The following PRKN variants were observed in gnomAD, a reference collection of about 807,000 sequenced individuals.
PRKN encodes parkin RBR E3 ubiquitin protein ligase.
Under a neutral mutation model 59.5 loss-of-function variants are expected in PRKN, and 56 were observed. The ratio of observed to expected loss-of-function variants is 0.94; its 90% CI spans 0.76 to 1.18. PRKN has a LOEUF of 1.18. PRKN is among the 50% of genes most tolerant of loss of function. The pLI is 0.00. For synonymous variants in PRKN, 250 were observed against 222.1 expected, an observed-to-expected ratio of 1.13 and a Z score of -1.12; for missense variants, 657 against 596.4, an observed-to-expected ratio of 1.10 and a Z score of -1.06.
intron 7 of PRKN, among the ~76,000 whole-genome samples, chr6:161,591,061 G>A (rs994751513): frequency 9.9e-5 from 15 of 152,032 alleles, no homozygotes; most frequent in African/African-American, 2.2e-4. Context: ...AGATTACTCC[G>A]GTATTGAGAA....
At chr6:162,557,083 G>A (rs897022200) in intron 1 of PRKN, among the ~76,000 whole-genome samples, 3 of 152,310 alleles carry the variant, frequency 2.0e-5, no homozygotes, top group Middle Eastern at 3.4e-3. Context: ...AGGAAACCCC[G>A]ATGTTGCCAG....
At chr6:162,384,647 T>TA (rs774251208) in intron 2 of PRKN, among the ~76,000 whole-genome samples, 1,615 of 92,864 alleles carry the variant, frequency 0.017, 30 homozygotes, top group Middle Eastern at 0.052. Context: ...CTTCAATTTG[T>TA]AAAAAAAAAA....
chr6:162,606,428 G>A (rs368262482), intron 1 of PRKN, among the ~76,000 whole-genome samples: 3 of 152,186 alleles, frequency 2.0e-5, no homozygotes, highest in African/African-American at 7.2e-5. Flanking sequence ...GATATTGAAA[G>A]TGAAAAACAG....
chr6:161,611,997 C>G (rs1047692118), intron 7 of PRKN, among the ~76,000 whole-genome samples: 3 of 152,196 alleles, frequency 2.0e-5, no homozygotes, highest in African/African-American at 4.8e-5. Flanking sequence ...AAACCAATCA[C>G]AATACTCCAT....
rs149200251 is a variant in PRKN at position 161,538,099 on chromosome 6, T to C, written c.1083+10755A>G. On this transcript the variant is annotated intron_variant, in intron 9 of 11. Coordinates refer to ENST00000366898, the MANE Select transcript of PRKN (RefSeq NM_004562.3). The surrounding 1 kb of genome is among the most constrained non-coding windows in gnomAD (Gnocchi z 4.2). ...TGATTGGATAAAGAAACAGGCATTC[T>C]TGGCCTTCTTCTACAGAAAGGAGGA... 3.9e-4 allele frequency among the ~76,000 whole-genome samples: 59 copies of C among 152,334 alleles called. 4 individuals carry two copies. The East Asian group carries it at 0.011, about 29-fold the overall frequency.
chr6:162,126,780 C>T (rs774754684), intron 4 of PRKN, among the ~76,000 whole-genome samples: 3 of 152,106 alleles, frequency 2.0e-5, no homozygotes, highest in Non-Finnish European at 2.9e-5. Flanking sequence ...AACCAACAGT[C>T]TCCTCTTTTA....
chr6:162,603,492 T>A (rs1450827859), intron 1 of PRKN, among the ~76,000 whole-genome samples: 4 of 152,150 alleles, frequency 2.6e-5, no homozygotes, highest in African/African-American at 9.7e-5. Context: ...CATGAGAGCA[T>A]CTGACCTGAG....
Position 162,476,183 on chromosome 6 carries a change from G to A in PRKN, c.8-32710C>T, listed in dbSNP as rs369130865. Among the ~76,000 whole-genome samples, 15 of 150,374 alleles carry A rather than the reference G, an allele frequency of 1.0e-4. 1 individual carries two copies. The East Asian group carries it at 1.8e-3, about 18-fold the overall frequency. On this transcript the variant is annotated intron_variant, in intron 1 of 11. Coordinates refer to ENST00000366898, the MANE Select transcript of PRKN (RefSeq NM_004562.3). ...AACGATTCTCCTGCCTCAGCCTCCC[G>A]AGTAGCTGGGATTACAGGCATGTGC...
chr6:162,410,989 A>G (rs1788328428), intron 2 of PRKN, among the ~76,000 whole-genome samples: 1 of 152,212 alleles, frequency 6.6e-6, no homozygotes, highest in Non-Finnish European at 1.5e-5. Flanking sequence ...ATCTTGGGGT[A>G]TTGATACAGA....
Position 161,350,168 on chromosome 6 carries a change from G to C in PRKN, c.1329C>G (p.Leu443=). 4.3e-6 allele frequency: 7 copies of C among 1,613,540 alleles called. No homozygotes were observed. Among genetic ancestry groups the C allele is most frequent in the Non-Finnish European group, 4.2e-6 (5 of 1,179,932 alleles). ...HMKCPQPQCR[L]EWCWNCGCEW... ...CGCAGCCACAGTTCCAGCACCACTC[G>C]AGCCTGCACTGGGGCTGCGGACACT... The change falls in exon 12 of 12, where the codon CTC becomes CTG. Residue 443 remains leucine (L), a synonymous_variant. Coordinates refer to ENST00000366898, the MANE Select transcript of PRKN (RefSeq NM_004562.3).
rs1399415195 is a variant in PRKN at position 162,443,455 on chromosome 6, G to A, written c.26C>T (p.Ser9Phe). 6.2e-7 allele frequency: 1 copy of A among 1,614,122 alleles called. No individual in the cohort carries two copies. Among genetic ancestry groups the A allele is most frequent in the Non-Finnish European group, 8.5e-7 (1 of 1,179,996 alleles). MIVFVRFN[S>F]SHGFPVEVDS... ...GACCTCCACTGGGAAACCATGGCTGGAGTTGAACCTGACAAACACTGACCA... is the reference window on the plus strand; with the variant it reads ...GACCTCCACTGGGAAACCATGGCTGAAGTTGAACCTGACAAACACTGACCA... The change falls in exon 2 of 12, where the codon TCC (serine) becomes TTC (phenylalanine). Residue 9 changes from serine to phenylalanine, a missense_variant. By Grantham distance (155) the Ser-to-Phe change is radical. Transcript: ENST00000366898.
chr6:162,652,774 C>A (rs956841621), intron 1 of PRKN, among the ~76,000 whole-genome samples: 4 of 151,306 alleles, frequency 2.6e-5, no homozygotes, highest in African/African-American at 9.7e-5. Flanking sequence ...GACACTTCCT[C>A]TTTATTAAAA....
intron 7 of PRKN, among the ~76,000 whole-genome samples, chr6:161,670,051 G>A (rs941027521): frequency 2.0e-5 from 3 of 152,210 alleles, no homozygotes; most frequent in African/African-American, 7.2e-5. Flanking sequence ...GAAGATCTGA[G>A]AGACATAAGC....
In PRKN at chr6:161,484,245, C is replaced by G. The variant is rs1032822788; in HGVS notation, c.1083+64609G>C. Reference sequence around the variant, plus strand: ...CAGGGTTTCAGCTTAAAGAAAATTTCTGGGTTTTGCACATGGCCATTTTCT... The same window carrying G: ...CAGGGTTTCAGCTTAAAGAAAATTTGTGGGTTTTGCACATGGCCATTTTCT... On this transcript the variant is annotated intron_variant, in intron 9 of 11. Coordinates refer to ENST00000366898, the MANE Select transcript of PRKN (RefSeq NM_004562.3). The surrounding 1 kb of genome is among the most constrained non-coding windows in gnomAD (Gnocchi z 4.9). Among the ~76,000 whole-genome samples the G allele has an allele frequency of 6.6e-6, 1 of 152,108 alleles. No homozygotes were observed. Among genetic ancestry groups the G allele is most frequent in the Admixed American group, 6.5e-5 (1 of 15,270 alleles).
intron 7 of PRKN, among the ~76,000 whole-genome samples, chr6:161,652,133 T>A (rs1398221798): frequency 6.6e-6 from 1 of 152,246 alleles, no homozygotes; most frequent in East Asian, 1.9e-4. Flanking sequence ...CTTTAGTTTA[T>A]GCAGACATCT....
intron 4 of PRKN, among the ~76,000 whole-genome samples, chr6:162,142,031 C>T (rs76115916): frequency 0.015 from 2,357 of 152,216 alleles, 59 homozygotes; most frequent in African/African-American, 0.054. Flanking sequence ...AGTATGTAAA[C>T]ACATGATCAC....
In PRKN at chr6:161,350,071, G is replaced by A. The variant is rs748710039; in HGVS notation, c.*28C>T. On this transcript the variant is annotated 3_prime_UTR_variant, in exon 12 of 12. Transcript: ENST00000366898. Reference sequence around the variant, plus strand: ...GACACTGGGTATGCTCCCCCAGGATGTGGCGATGGGGCGCCCGGCCGCCCT... The same window carrying A: ...GACACTGGGTATGCTCCCCCAGGATATGGCGATGGGGCGCCCGGCCGCCCT... 3 of 1,404,524 alleles carry A rather than the reference G, an allele frequency of 2.1e-6. No homozygotes were observed. Among genetic ancestry groups the A allele is most frequent in the East Asian group, 2.3e-5 (1 of 43,650 alleles). The allele number at this position is 1,404,524 out of a possible 1,614,324, so 87.0% of individuals were successfully genotyped here. A position where few individuals can be genotyped will look rare whatever the true frequency, so the allele number is the denominator to read the frequency against.
chr6:162,558,315 C>G (rs2128205649), intron 1 of PRKN, among the ~76,000 whole-genome samples: 1 of 147,364 alleles, frequency 6.8e-6, no homozygotes, highest in African/African-American at 2.5e-5. Flanking sequence ...TAAGCAAATG[C>G]TTTAATTTTC....
intron 1 of PRKN, among the ~76,000 whole-genome samples, chr6:162,573,368 C>T (rs1343922514): frequency 6.6e-6 from 1 of 152,126 alleles, no homozygotes; most frequent in Non-Finnish European, 1.5e-5. Flanking sequence ...CTTTCTGGCT[C>T]TCTGTCGTCT....
Sources: allele counts gnomAD v4.1 joint callset (sites outside exome capture counted in the v4.1 genomes callset), GRCh38; gene constraint gnomAD v4.1.1; non-coding constraint Gnocchi (gnomAD v3.1); transcripts MANE v1.5; gene names NCBI Gene and HGNC (gene_info 2026-07-23, HGNC 2026-07-21).